Variants in ATP7B observed in about 807,000 individuals in gnomAD.
ATP7B encodes the protein ATPase copper transporting beta, also known as copper-transporting ATPase 2.
In ATP7B, 113 loss-of-function variants were observed where a neutral mutation model predicts 118.9. The ratio of observed to expected loss-of-function variants is 0.95; its 90% confidence interval spans 0.82 to 1.11. The LOEUF is 1.11. Among genes scored for constraint, ATP7B ranks in the 50% most tolerant of loss-of-function variants. ATP7B has a pLI of 0.00. For synonymous variants in ATP7B, 777 were observed against 727.4 expected, an observed-to-expected ratio of 1.07 and a Z score of -1.10; for missense variants, 1,867 against 1,871.4, an observed-to-expected ratio of 1.00 and a Z score of 0.04.
chr13:52,002,662 TC>T (rs529693155), intron 1 of ATP7B, among the ~76,000 whole-genome samples: 4 of 101,912 alleles, frequency 3.9e-5, no homozygotes, highest in Admixed American at 2.2e-4. Context: ...CATTCATTTA[TC>T]CCTTCAAGCC....
chr13:51,942,240 T>C, intron 15 of ATP7B, 146 bp downstream of exon 15: 8 of 1,249,000 alleles, frequency 6.4e-6, no homozygotes, highest in Non-Finnish European at 9.1e-6. Context: ...AAGAGAAACT[T>C]TCCTGGGTGT....
At chr13:51,935,853 C>T (rs74085867) in intron 19 of ATP7B, among the ~76,000 whole-genome samples, 158 bp from the exon 20 acceptor site, 1 of 152,186 alleles carries the variant, frequency 6.6e-6, no homozygotes, top group East Asian at 1.9e-4. Flanking sequence ...ACAGGCCCCC[C>T]CCAAAGTGAG....
intron 3 of ATP7B, 40 bp from the exon 4 acceptor site, chr13:51,968,647 C>A: frequency 6.2e-7 from 1 of 1,610,908 alleles, no homozygotes; most frequent in Non-Finnish European, 8.5e-7. Flanking sequence ...TCTGGGTGGG[C>A]AGGGCCTCTA....
rs1238036095 is a variant in ATP7B at position 51,933,853 on chromosome 13, G to C, written c.*903C>G. On this transcript the variant is annotated 3_prime_UTR_variant, in exon 21 of 21. Transcript: ENST00000242839. Reference sequence around the variant, plus strand: ...GGGGCAAACGTTTCAAGCACCACAGGCTGGGCAGGGATATGGAAGGACGTC... The same window carrying C: ...GGGGCAAACGTTTCAAGCACCACAGCCTGGGCAGGGATATGGAAGGACGTC... 6.6e-6 allele frequency: 1 copy of C among 152,232 alleles called. No individual in the cohort carries two copies. Among genetic ancestry groups the C allele is most frequent in the Non-Finnish European group, 1.5e-5 (1 of 68,120 alleles). 9.4% of individuals were successfully genotyped at this position (152,232 alleles called of 1,614,324 possible).
intron 1 of ATP7B, among the ~76,000 whole-genome samples, chr13:51,983,176 C>T (rs960287866): frequency 6.6e-6 from 1 of 152,218 alleles, no homozygotes; most frequent in Non-Finnish European, 1.5e-5. Flanking sequence ...TTGAAATTCT[C>T]ACTGCCAGCA....
At chr13:51,980,488 T>C (rs1377177468) in intron 1 of ATP7B, among the ~76,000 whole-genome samples, 1 of 152,076 alleles carries the variant, frequency 6.6e-6, no homozygotes, top group Admixed American at 6.5e-5. Flanking sequence ...AAATAAAATA[T>C]AGGTTAAAAA....
chr13:51,997,195 G>A (rs1300941098), intron 1 of ATP7B, among the ~76,000 whole-genome samples: 1 of 152,054 alleles, frequency 6.6e-6, no homozygotes, highest in Non-Finnish European at 1.5e-5. Flanking sequence ...TCATTTATGG[G>A]GCATCAGAAG....
At chr13:52,000,884 GT>G (rs1451230618) in intron 1 of ATP7B, among the ~76,000 whole-genome samples, 1 of 152,188 alleles carries the variant, frequency 6.6e-6, no homozygotes, top group East Asian at 1.9e-4. Flanking sequence ...GCTGGGCATG[GT>G]GGTGCACACT....
At position 51,974,133 on chromosome 13, in the gene ATP7B, T is replaced by C; in HGVS notation, c.1087A>G (p.Ile363Val). The change falls in exon 2 of 21, where the codon ATT becomes GTT. Residue 363 changes from isoleucine (I) to valine (V), a missense_variant. By Grantham distance (29) the Ile-to-Val change is conservative (BLOSUM62 3). Coordinates refer to ENST00000242839, the MANE Select transcript of ATP7B (RefSeq NM_000053.4). ...GCACAGGTCATGCCGGCAATGGCAA[T>C]CAGAGTGGTACTGCATGTGCCCTGG... ...QVQGTCSTTL[I>V]AIAGMTCASC... 1.2e-6 allele frequency: 2 copies of C among 1,613,644 alleles called. No individual in the cohort carries two copies. The highest frequency in any genetic ancestry group is 1.7e-6 in the Non-Finnish European group (2 of 1,179,952).
intron 13 of ATP7B, among the ~76,000 whole-genome samples, chr13:51,945,936 C>T (rs535396833): frequency 6.6e-6 from 1 of 152,314 alleles, no homozygotes; most frequent in South Asian, 2.1e-4. Context: ...TGAAGCCTGG[C>T]TACCTGGGTG....
At chr13:51,967,465 T>C (rs1392581398) in intron 4 of ATP7B, among the ~76,000 whole-genome samples, 1 of 152,230 alleles carries the variant, frequency 6.6e-6, no homozygotes, top group Admixed American at 6.5e-5. Flanking sequence ...GATGTCCACA[T>C]GTAGATCCAG....
chr13:51,969,008 G>A (rs1250613547), intron 3 of ATP7B, among the ~76,000 whole-genome samples: 6 of 151,158 alleles, frequency 4.0e-5, no homozygotes, highest in Non-Finnish European at 5.9e-5. Context: ...TTACAGGTGC[G>A]TGCCACCATG....
At chr13:51,937,418 G>A (rs766027853) in intron 18 of ATP7B, 25 bp from the exon 19 acceptor site, 5 of 1,614,046 alleles carry the variant, frequency 3.1e-6, no homozygotes, top group East Asian at 4.5e-5. Flanking sequence ...CACACAGTGA[G>A]GAAGGGGTCT....
chr13:51,974,179 G>A lies in ATP7B; in HGVS notation c.1041C>T (p.Gly347=), dbSNP rs1453094974. Residue 347 remains glycine, a synonymous_variant, in exon 2 of 21, where the codon GGC becomes GGT. Coordinates refer to ENST00000242839, the MANE Select transcript of ATP7B (RefSeq NM_000053.4). The part of the protein sequence containing the change: ...DHRSSSSHSP[G]SPPRNQVQGT... Reference sequence around the variant, plus strand: ...CCTGGACCTGGTTTCTCGGTGGGGAGCCAGGGGAATGAGAACTGGAAGACC... The same window carrying A: ...CCTGGACCTGGTTTCTCGGTGGGGAACCAGGGGAATGAGAACTGGAAGACC... 1 of 1,596,934 alleles carries A rather than the reference G, an allele frequency of 6.3e-7. No homozygotes were observed. Among genetic ancestry groups the A allele is most frequent in the Non-Finnish European group, 8.5e-7 (1 of 1,173,164 alleles).
At chr13:51,936,524 C>CTTTTCT (rs1447202259) in intron 19 of ATP7B, among the ~76,000 whole-genome samples, 1 of 152,082 alleles carries the variant, frequency 6.6e-6, no homozygotes. Flanking sequence ...AAATCTATTT[C>CTTTTCT]TTTTCTTTTT....
At chr13:51,976,389 A>G (rs1952122132) in intron 1 of ATP7B, among the ~76,000 whole-genome samples, 1 of 152,236 alleles carries the variant, frequency 6.6e-6, no homozygotes, top group East Asian at 1.9e-4. Flanking sequence ...ATAAATGTTG[A>G]TTTCTATATC....
intron 12 of ATP7B, among the ~76,000 whole-genome samples, chr13:51,947,491 T>G (rs1345018928): frequency 6.6e-6 from 1 of 152,216 alleles, no homozygotes; most frequent in African/African-American, 2.4e-5. Flanking sequence ...CAAGAGATAC[T>G]ATGTTCACTT....
At chr13:51,958,617 C>T (rs983526290) in intron 7 of ATP7B, 73 bp from the exon 8 acceptor site, 6 of 1,359,614 alleles carry the variant, frequency 4.4e-6, no homozygotes, top group African/African-American at 4.3e-5. Context: ...GGGCCAAGGG[C>T]CCTGGGGATG....
intron 2 of ATP7B, among the ~76,000 whole-genome samples, chr13:51,972,399 C>T (rs1238316723): frequency 8.9e-6 from 1 of 112,430 alleles, no homozygotes; most frequent in African/African-American, 3.3e-5. Context: ...AGGTCTCTGT[C>T]ATCTTCCCAC....
Sources: gnomAD v4.1 joint callset for allele counts (sites outside exome capture counted in the v4.1 genomes callset) on GRCh38, gnomAD v4.1.1 for gene constraint, MANE v1.5 for transcripts, NCBI Gene and HGNC (gene_info 2026-07-23, HGNC 2026-07-21) for gene names.